L3MBTL4: variants seen among roughly 807,000 people sequenced by gnomAD.
L3MBTL4 encodes L3MBTL histone methyl-lysine binding protein 4.
In L3MBTL4, 70 loss-of-function variants were observed where a neutral mutation model predicts 84.5. The observed-to-expected ratio is 0.83, with a 90% CI of 0.68 to 1.01. The LOEUF is 1.01. Ranked by LOEUF, L3MBTL4 falls within the 50% of genes least tolerant of loss-of-function variation. The pLI, the probability that L3MBTL4 is intolerant of heterozygous loss-of-function variation, is 0.00. For synonymous variants in L3MBTL4, 274 were observed against 259.8 expected, an observed-to-expected ratio of 1.05 and a Z score of -0.52; for missense variants, 715 against 754.8, an observed-to-expected ratio of 0.95 and a Z score of 0.62.
At chr18:6,202,922 T>C (rs932776468) in intron 12 of L3MBTL4, among the ~76,000 whole-genome samples, 16 of 152,144 alleles carry the variant, frequency 1.1e-4, no homozygotes, top group Admixed American at 6.5e-4. Flanking sequence ...TTGGAAAATA[T>C]AAAGTGCTGA....
At chr18:6,140,056 CACAA>C (rs2060148979) in intron 13 of L3MBTL4, among the ~76,000 whole-genome samples, 1 of 152,160 alleles carries the variant, frequency 6.6e-6, no homozygotes, top group Admixed American at 6.5e-5. Flanking sequence ...ATCTGGGCCA[CACAA>C]ACAAAACCCT....
chr18:6,159,366 T>G (rs1568222211), intron 13 of L3MBTL4, among the ~76,000 whole-genome samples: 1 of 152,214 alleles, frequency 6.6e-6, no homozygotes, highest in Non-Finnish European at 1.5e-5. Flanking sequence ...GAGACCCCAC[T>G]CTGGCTCTAA....
chr18:6,140,206 T>C (rs894535068), intron 13 of L3MBTL4, among the ~76,000 whole-genome samples: 1 of 152,194 alleles, frequency 6.6e-6, no homozygotes, highest in Non-Finnish European at 1.5e-5. Context: ...TCCAGGCCAC[T>C]AATTTCCCTT....
At chr18:5,963,586 T>C (rs1225469755) in intron 17 of L3MBTL4, among the ~76,000 whole-genome samples, 1 of 152,244 alleles carries the variant, frequency 6.6e-6, no homozygotes, top group Non-Finnish European at 1.5e-5. Context: ...TCGGCCTATC[T>C]GTCTTTTTCC....
chr18:6,381,294 G>A (rs1248364433), intron 1 of L3MBTL4, among the ~76,000 whole-genome samples: 27 of 152,152 alleles, frequency 1.8e-4, no homozygotes, highest in Admixed American at 1.8e-3. Context: ...CAATTTGCCA[G>A]CCTGTGTCTT....
In L3MBTL4 at chr18:6,224,165, G is replaced by A. The variant is rs1427431608; in HGVS notation, c.785-8330C>T. Among the ~76,000 whole-genome samples, 4 of 152,056 alleles carry A rather than the reference G, an allele frequency of 2.6e-5. No individual in the cohort carries two copies. In the East Asian group the frequency reaches 7.7e-4, roughly 29 times the overall value. On this transcript the variant is annotated intron_variant, in intron 10 of 18. Transcript: ENST00000317931. The stretch of plus-strand genomic sequence containing the variant: ...AGACATAAAGCCCCAAGGCGAACAG[G>A]TAAAAAGCCAAATGCAAATGAGAAA...
At chr18:5,967,761 A>G (rs1346712702) in intron 17 of L3MBTL4, among the ~76,000 whole-genome samples, 1 of 152,248 alleles carries the variant, frequency 6.6e-6, no homozygotes, top group African/African-American at 2.4e-5. Context: ...GGCAGTGGGC[A>G]GAGTGGGAGA....
chr18:6,302,167 C>T (rs1338150582), intron 3 of L3MBTL4, among the ~76,000 whole-genome samples: 1 of 152,126 alleles, frequency 6.6e-6, no homozygotes, highest in Non-Finnish European at 1.5e-5. Flanking sequence ...AAAAGTATTG[C>T]TTCTGGCTAA....
At chr18:6,244,900 T>C (rs1447109144) in intron 5 of L3MBTL4, among the ~76,000 whole-genome samples, 1 of 152,188 alleles carries the variant, frequency 6.6e-6, no homozygotes. Context: ...TTATATATGA[T>C]TATAATTTGT....
chr18:5,963,733 A>T (rs1271524715), intron 17 of L3MBTL4, among the ~76,000 whole-genome samples: 1 of 152,266 alleles, frequency 6.6e-6, no homozygotes, highest in Non-Finnish European at 1.5e-5. Context: ...TTGAGCTTTC[A>T]TAGAAAGTTC....
At chr18:6,154,663 C>T (rs539363351) in intron 13 of L3MBTL4, among the ~76,000 whole-genome samples, 1 of 152,290 alleles carries the variant, frequency 6.6e-6, no homozygotes, top group East Asian at 1.9e-4. Flanking sequence ...CTCAACAACG[C>T]CAACTGTACA....
Position 5,993,065 on chromosome 18 carries a change from G to A in L3MBTL4, c.1445-23503C>T, listed in dbSNP as rs146679499. ...GAGAGAAAAATGAGCATCTTATGCA[G>A]CCAGCTATGTCTGAAAGTTCCAAGA... On this transcript the variant is annotated intron_variant, in intron 16 of 18. Coordinates refer to ENST00000317931, the MANE Select transcript of L3MBTL4 (RefSeq NM_001330559.2). 1.1e-3 allele frequency among the ~76,000 whole-genome samples: 167 copies of A among 152,288 alleles called. 1 individual carries two copies. The highest frequency in any genetic ancestry group is 3.9e-3 in the African/African-American group (164 of 41,558).
At position 6,127,522 on chromosome 18, in the gene L3MBTL4, A is replaced by C. The variant is rs74758070; in HGVS notation, c.1199+10672T>G. Among the ~76,000 whole-genome samples the C allele has an allele frequency of 6.9e-4, 105 of 152,364 alleles. 2 individuals carry two copies. The East Asian group carries it at 0.019, about 28-fold the overall frequency. On this transcript the variant is annotated intron_variant, in intron 14 of 18. Coordinates refer to ENST00000317931, the MANE Select transcript of L3MBTL4 (RefSeq NM_001330559.2). ...GTAGGTAAATGAAGTTTTAAGAATAAGTTAGAGAATACATAGCAGATTGGA... is the reference window on the plus strand; with the variant it reads ...GTAGGTAAATGAAGTTTTAAGAATACGTTAGAGAATACATAGCAGATTGGA...
intron 1 of L3MBTL4, among the ~76,000 whole-genome samples, chr18:6,368,244 C>T (rs951598572): frequency 6.6e-6 from 1 of 151,830 alleles, no homozygotes; most frequent in Admixed American, 6.6e-5. Context: ...AGGCGGCCGT[C>T]GGTGCTTACT....
chr18:6,042,923 TACACATTAAGACGTA>T (rs2056464175), intron 16 of L3MBTL4, among the ~76,000 whole-genome samples: 1 of 152,202 alleles, frequency 6.6e-6, no homozygotes, highest in Non-Finnish European at 1.5e-5. Flanking sequence ...CTCAAAATGG[TACACATTAAGACGTA>T]ACTCAATATT....
intron 12 of L3MBTL4, among the ~76,000 whole-genome samples, chr18:6,173,630 A>C (rs61000012): frequency 6.6e-6 from 1 of 151,884 alleles, no homozygotes; most frequent in African/African-American, 2.4e-5. Flanking sequence ...AAATACAAAA[A>C]CTAGCCAGGT....
intron 16 of L3MBTL4, among the ~76,000 whole-genome samples, chr18:5,991,412 A>G (rs1240817851): frequency 6.6e-6 from 1 of 152,340 alleles, no homozygotes; most frequent in African/African-American, 2.4e-5. Context: ...CAAGATGAAC[A>G]CGGCTTTGCC....
intron 1 of L3MBTL4, among the ~76,000 whole-genome samples, chr18:6,376,284 C>G (rs574511550): frequency 6.6e-6 from 1 of 152,342 alleles, no homozygotes; most frequent in Non-Finnish European, 1.5e-5. Flanking sequence ...TCAAACATCA[C>G]CTCCTCCTGT....
intron 4 of L3MBTL4, among the ~76,000 whole-genome samples, chr18:6,283,774 C>A (rs1173437047): frequency 1.3e-5 from 2 of 152,174 alleles, no homozygotes; most frequent in Non-Finnish European, 2.9e-5. Flanking sequence ...CTTGGAAAAG[C>A]TAAGTATAAT....
Sources: allele counts gnomAD v4.1 joint callset (sites outside exome capture counted in the v4.1 genomes callset), GRCh38; gene constraint gnomAD v4.1.1; transcripts MANE v1.5; gene names NCBI Gene and HGNC (gene_info 2026-07-23, HGNC 2026-07-21).